Variants in PLD5 observed in about 807,000 individuals in gnomAD.
PLD5 encodes the protein phospholipase D family member 5, also known as inactive phospholipase D5.
A neutral mutation model predicts 61.1 loss-of-function variants in PLD5; 36 were observed. The observed-to-expected ratio is 0.59, with a 90% CI of 0.45 to 0.78. The LOEUF is 0.78. Ranked by LOEUF, PLD5 falls within the 30% of genes least tolerant of loss-of-function variation. The pLI is 0.00. For synonymous variants in PLD5, 243 were observed against 242.8 expected (o/e 1.00, Z -0.01); for missense variants, 515 against 644.4 (o/e 0.80, Z 2.17).
chr1:242,182,087 TA>T (rs2148903581), intron 5 of PLD5, among the ~76,000 whole-genome samples: 1 of 152,336 alleles, frequency 6.6e-6, no homozygotes, highest in East Asian at 1.9e-4. Context: ...GCTGTTTGAT[TA>T]ATGATGATTC....
intron 1 of PLD5, among the ~76,000 whole-genome samples, chr1:242,477,244 C>CT (rs1200272433): frequency 6.6e-6 from 1 of 151,376 alleles, no homozygotes; most frequent in Non-Finnish European, 1.5e-5. Context: ...GAGCGAGACT[C>CT]TAACTCAAAA....
chr1:242,512,415 CAA>C (rs33990244), intron 1 of PLD5, among the ~76,000 whole-genome samples: 26,732 of 120,016 alleles, frequency 0.22, 2,707 homozygotes, highest in Middle Eastern at 0.26. Context: ...GACTCCATCT[CAA>C]AAAAAAAAAA....
intron 1 of PLD5, among the ~76,000 whole-genome samples, chr1:242,499,844 G>A (rs1231292083): frequency 6.6e-6 from 1 of 152,142 alleles, no homozygotes; most frequent in South Asian, 2.1e-4. Flanking sequence ...CTCCACTTGG[G>A]AAGACTTAAG....
intron 1 of PLD5, among the ~76,000 whole-genome samples, chr1:242,390,926 C>G (rs1257596694): frequency 1.3e-5 from 2 of 152,114 alleles, no homozygotes; most frequent in Non-Finnish European, 2.9e-5. Context: ...AGTGCGGTGG[C>G]TCACACCTGT....
Position 242,207,991 on chromosome 1 carries a change from T to TATAC in PLD5, c.735+11996_735+11997insGTAT, listed in dbSNP as rs1669546673. 7.5e-5 allele frequency among the ~76,000 whole-genome samples: 3 copies of TATAC among 40,258 alleles called. No homozygotes were observed. In the South Asian group the frequency reaches 2.3e-3, roughly 31 times the overall value. 26.4% of individuals were successfully genotyped at this position (40,258 alleles called of 152,430 possible). On this transcript the variant is annotated intron_variant, in intron 5 of 9. Coordinates refer to ENST00000536534, the MANE Select transcript of PLD5 (RefSeq NM_001372062.1). The stretch of plus-strand genomic sequence containing the variant: ...ATATATATTTTTATATATATATTTA[T>TATAC]ACACACACACACACACACACACACA...
chr1:242,215,096 A>G (rs553817089), intron 5 of PLD5, among the ~76,000 whole-genome samples: 1,998 of 148,314 alleles, frequency 0.013, 43 homozygotes, highest in Admixed American at 0.043. Flanking sequence ...CACCGTGTTA[A>G]CCAGAATGGT....
intron 4 of PLD5, among the ~76,000 whole-genome samples, chr1:242,249,561 G>C (rs1330804975): frequency 2.6e-5 from 4 of 152,184 alleles, no homozygotes; most frequent in Admixed American, 2.6e-4. Flanking sequence ...TAATACCCTT[G>C]ACTTTTTCTT....
intron 7 of PLD5, among the ~76,000 whole-genome samples, chr1:242,108,562 T>A (rs539362239): frequency 1.3e-5 from 2 of 152,350 alleles, no homozygotes; most frequent in African/African-American, 4.8e-5. Flanking sequence ...AGACTCCCAC[T>A]CTGCCTCTGC....
chr1:242,348,255 ACAAAG>A lies in PLD5; in HGVS notation c.190-18_190-14del. On this transcript the variant is annotated splice_polypyrimidine_tract_variant and intron_variant, in intron 1 of 9. Coordinates refer to ENST00000536534, the MANE Select transcript of PLD5 (RefSeq NM_001372062.1). ...ACTTCTGCTGGGACTGAAAGAGGAA[ACAAAG>A]ACAAAGAAAAGTAAGTGGTGCTGCT... The A allele has an allele frequency of 1.4e-5, 1 of 70,714 alleles. No individual in the cohort carries two copies. Among genetic ancestry groups the A allele is most frequent in the Non-Finnish European group, 2.6e-5 (1 of 39,084 alleles). 4.4% of individuals were successfully genotyped at this position (70,714 alleles called of 1,614,324 possible).
chr1:242,099,249 T>G (rs1030810635), intron 9 of PLD5, among the ~76,000 whole-genome samples: 1 of 152,028 alleles, frequency 6.6e-6, no homozygotes, highest in Non-Finnish European at 1.5e-5. Context: ...TGGCCTCCCA[T>G]GTAGCTGGGA....
At chr1:242,220,755 G>A (rs984289754) in intron 4 of PLD5, among the ~76,000 whole-genome samples, 90 of 70,774 alleles carry the variant, frequency 1.3e-3, no homozygotes, top group Non-Finnish European at 2.5e-3. Flanking sequence ...TTTTATTTTT[G>A]AGACAGAGTC....
chr1:242,142,738 C>G, intron 5 of PLD5, among the ~76,000 whole-genome samples: 1 of 150,978 alleles, frequency 6.6e-6, no homozygotes, highest in Admixed American at 6.6e-5. Flanking sequence ...CTCTCTCTCT[C>G]TCTCTCTGTC....
intron 5 of PLD5, among the ~76,000 whole-genome samples, chr1:242,196,889 T>C (rs926243576): frequency 3.3e-5 from 5 of 152,184 alleles, no homozygotes; most frequent in Non-Finnish European, 5.9e-5. Context: ...ATTTGGGGAC[T>C]TTCTTTGTTT....
At chr1:242,282,955 A>G (rs1328105004) in intron 3 of PLD5, among the ~76,000 whole-genome samples, 1 of 152,220 alleles carries the variant, frequency 6.6e-6, no homozygotes, top group Non-Finnish European at 1.5e-5. Flanking sequence ...GATACGGAGT[A>G]AGGGCACCGT....
intron 1 of PLD5, among the ~76,000 whole-genome samples, chr1:242,435,139 T>C (rs948213729): frequency 6.6e-6 from 1 of 152,134 alleles, no homozygotes; most frequent in African/African-American, 2.4e-5. Flanking sequence ...CACAGTACAG[T>C]TAGTCAATCC....
chr1:242,163,280 A>G (rs1249181999), intron 5 of PLD5, among the ~76,000 whole-genome samples: 2 of 151,812 alleles, frequency 1.3e-5, no homozygotes, highest in African/African-American at 4.8e-5. Context: ...AGTAGCTGGG[A>G]CTACAGGCGC....
Position 242,107,482 on chromosome 1 carries a change from A to G in PLD5, c.1239+189T>C, listed in dbSNP as rs540400016. Among the ~76,000 whole-genome samples, 37 of 115,918 alleles carry G rather than the reference A, an allele frequency of 3.2e-4. No homozygotes were observed. The South Asian group carries it at 0.013, about 40-fold the overall frequency. The allele number at this position is 115,918 out of a possible 152,430, so 76.0% of individuals were successfully genotyped here. ...GAGAAGAGGGCTGGACGGAGGAGGC[A>G]TCAGGAAACATGAGCTCTACTCTTT... On this transcript the variant is annotated intron_variant, in intron 8 of 9. Coordinates refer to ENST00000536534, the MANE Select transcript of PLD5 (RefSeq NM_001372062.1).
chr1:242,398,410 A>G (rs2654890), intron 1 of PLD5, among the ~76,000 whole-genome samples: 64,818 of 152,082 alleles, frequency 0.43, 14,289 homozygotes, highest in African/African-American at 0.54. Flanking sequence ...CAGACATCTT[A>G]TTGAAAACAA....
intron 1 of PLD5, among the ~76,000 whole-genome samples, chr1:242,512,878 T>A (rs1350540323): frequency 6.7e-6 from 1 of 149,884 alleles, no homozygotes; most frequent in Admixed American, 6.6e-5. Context: ...TATTTTTTCT[T>A]TTTTTTTTTT....
Sources: allele counts gnomAD v4.1 joint callset (sites outside exome capture counted in the v4.1 genomes callset), GRCh38; gene constraint gnomAD v4.1.1; transcripts MANE v1.5; gene names NCBI Gene and HGNC (gene_info 2026-07-23, HGNC 2026-07-21).